PLCB1: variants seen among roughly 807,000 people sequenced by gnomAD.
The protein encoded by PLCB1 is 1-phosphatidylinositol 4,5-bisphosphate phosphodiesterase beta-1.
Under a neutral mutation model 161.8 loss-of-function variants are expected in PLCB1, and 46 were observed. The observed-to-expected ratio is 0.28, with a 90% CI of 0.22 to 0.36. The LOEUF is 0.36. Ranked by LOEUF, PLCB1 falls within the 10% of genes least tolerant of loss-of-function variation. PLCB1 has a pLI of 1.00. For missense variants in PLCB1, 1,016 were observed against 1,472.5 expected (o/e 0.69, Z 5.07); for synonymous variants, 517 against 503.7 (o/e 1.03, Z -0.35).
intron 3 of PLCB1, among the ~76,000 whole-genome samples, chr20:8,619,522 C>T (rs1988122225): frequency 6.6e-6 from 1 of 152,030 alleles, no homozygotes; most frequent in Non-Finnish European, 1.5e-5. Flanking sequence ...ATGTCAGACT[C>T]CACAAAAATG....
chr20:8,561,414 T>C (rs1986138199), intron 3 of PLCB1, among the ~76,000 whole-genome samples: 1 of 151,930 alleles, frequency 6.6e-6, no homozygotes, highest in African/African-American at 2.4e-5. Flanking sequence ...AGTCGGGATA[T>C]GAGCAGTTGA....
intron 23 of PLCB1, among the ~76,000 whole-genome samples, chr20:8,744,621 A>AAAATAAAATAAAATTAAAATT (rs1981062841): frequency 7.3e-5 from 9 of 122,478 alleles, no homozygotes; most frequent in Admixed American, 4.7e-4. Context: ...TAAAATAAAT[A>AAAATAAAATAAAATTAAAATT]AAATAAAATA....
Position 8,788,670 on chromosome 20 carries a change from A to G in PLCB1, c.3226A>G (p.Arg1076Gly). ...KELKKKMDKK[R>G]QEKITEAKSK... ...ATTAAAGAAGAAAATGGATAAAAAG[A>G]GGCAGGAGAAGATAACAGAAGCTAA... The change falls in exon 29 of 32, where the codon AGG (arginine) becomes GGG (glycine). Residue 1076 changes from arginine to glycine, a missense_variant. Transcript: ENST00000338037. The G allele has an allele frequency of 6.2e-7, 1 of 1,611,598 alleles. No individual in the cohort carries two copies.
At chr20:8,164,209 GC>G (rs2051654097) in intron 2 of PLCB1, among the ~76,000 whole-genome samples, 1 of 152,076 alleles carries the variant, frequency 6.6e-6, no homozygotes, top group East Asian at 1.9e-4. Flanking sequence ...GTCGAATTGG[GC>G]CATTAATCTA....
chr20:8,773,594 G>A (rs1600315300), intron 26 of PLCB1, among the ~76,000 whole-genome samples: 1 of 152,302 alleles, frequency 6.6e-6, no homozygotes, highest in East Asian at 1.9e-4. Context: ...GCTTTGTGTG[G>A]AAAGTGCCAT....
At position 8,658,712 on chromosome 20, in the gene PLCB1, C is replaced by T. The variant is rs1989536749; in HGVS notation, c.862+8C>T. ...ACAGCCTCGCCAGAAAAGGTCAGTA[C>T]TTTCTTTCACACCAAAGGGAAGCTC... is the stretch of plus-strand genomic sequence containing the variant. On this transcript the variant is annotated splice_region_variant and intron_variant, in intron 9 of 31. Transcript: ENST00000338037. The T allele has an allele frequency of 6.3e-7, 1 of 1,593,288 alleles. No homozygotes were observed. The highest frequency in any genetic ancestry group is 8.5e-7 in the Non-Finnish European group (1 of 1,171,806).
intron 2 of PLCB1, among the ~76,000 whole-genome samples, chr20:8,174,152 C>T (rs1228721418): frequency 6.7e-6 from 1 of 149,450 alleles, no homozygotes; most frequent in African/African-American, 2.5e-5. Flanking sequence ...GCACCTCAAA[C>T]AGGATACACC....
At chr20:8,378,378 A>AT (rs1171509809) in intron 3 of PLCB1, among the ~76,000 whole-genome samples, 2 of 152,220 alleles carry the variant, frequency 1.3e-5, no homozygotes, top group Non-Finnish European at 2.9e-5. Context: ...AGTAATACAC[A>AT]TTTTTTGGTT....
In PLCB1 at chr20:8,445,540, G is replaced by C. The variant is rs551169205; in HGVS notation, c.246+74090G>C. Among the ~76,000 whole-genome samples the C allele has an allele frequency of 1.8e-4, 27 of 151,844 alleles. 1 individual carries two copies. In the South Asian group the frequency reaches 5.4e-3, roughly 30 times the overall value. ...GACTTGGCAATGCGGGCTCTTTTTTGGTTCCATATGAACTTTAAAGTAGTT... is the reference window on the plus strand; with the variant it reads ...GACTTGGCAATGCGGGCTCTTTTTTCGTTCCATATGAACTTTAAAGTAGTT... On this transcript the variant is annotated intron_variant, in intron 3 of 31. Coordinates refer to ENST00000338037, the MANE Select transcript of PLCB1 (RefSeq NM_015192.4).
chr20:8,188,928 T>C (rs541373316), intron 2 of PLCB1, among the ~76,000 whole-genome samples: 24 of 152,274 alleles, frequency 1.6e-4, no homozygotes, highest in African/African-American at 5.8e-4. Flanking sequence ...TTCAAATATT[T>C]TGTAAGTGTT....
intron 4 of PLCB1, among the ~76,000 whole-genome samples, chr20:8,635,631 G>A (rs1047595712): frequency 2.0e-5 from 3 of 152,114 alleles, no homozygotes; most frequent in Admixed American, 1.3e-4. Context: ...GTTACTCCAC[G>A]CTTTCTTAAG....
intron 3 of PLCB1, among the ~76,000 whole-genome samples, chr20:8,446,127 A>G (rs1237814960): frequency 1.3e-5 from 2 of 152,208 alleles, no homozygotes; most frequent in African/African-American, 2.4e-5. Flanking sequence ...TTAGACCACT[A>G]TCCCTGATGA....
chr20:8,517,187 A>G (rs975781971), intron 3 of PLCB1, among the ~76,000 whole-genome samples: 5 of 152,156 alleles, frequency 3.3e-5, no homozygotes, highest in Admixed American at 1.3e-4. Flanking sequence ...ACATCCCACA[A>G]CCTAAAGAGC....
intron 31 of PLCB1, among the ~76,000 whole-genome samples, chr20:8,819,709 G>T (rs190605594): frequency 1.5e-3 from 228 of 152,140 alleles, no homozygotes; most frequent in African/African-American, 5.0e-3. Flanking sequence ...GACACAAAAT[G>T]GTGTAGATAG....
At chr20:8,486,686 G>A (rs999470460) in intron 3 of PLCB1, among the ~76,000 whole-genome samples, 5 of 150,174 alleles carry the variant, frequency 3.3e-5, no homozygotes, top group African/African-American at 9.8e-5. Context: ...TAGTAGAGAC[G>A]GGGTTTCACC....
chr20:8,539,766 T>TC (rs1568499627), intron 3 of PLCB1, among the ~76,000 whole-genome samples: 1 of 150,968 alleles, frequency 6.6e-6, no homozygotes, highest in Non-Finnish European at 1.5e-5. Context: ...CTTTCCTTCC[T>TC]TCTTTCCTTC....
At chr20:8,318,447 GCC>G (rs56128549) in intron 2 of PLCB1, among the ~76,000 whole-genome samples, 1 of 149,346 alleles carries the variant, frequency 6.7e-6, no homozygotes, top group East Asian at 2.0e-4. Context: ...AATAGAAATT[GCC>G]CCCCCCCTTT....
intron 10 of PLCB1, 147 bp from the exon 11 acceptor site, chr20:8,697,479 G>A (rs1990608389): frequency 1.4e-6 from 1 of 731,126 alleles, no homozygotes; most frequent in South Asian, 1.8e-5. Flanking sequence ...TTACCTTCTG[G>A]TATGTTGAGG....
At chr20:8,215,777 T>C (rs1344221947) in intron 2 of PLCB1, among the ~76,000 whole-genome samples, 1 of 151,970 alleles carries the variant, frequency 6.6e-6, no homozygotes, top group Non-Finnish European at 1.5e-5. Flanking sequence ...AAGGCAGCCT[T>C]AGAGATCTTT....
Sources: allele counts gnomAD v4.1 joint callset (sites outside exome capture counted in the v4.1 genomes callset), GRCh38; gene constraint gnomAD v4.1.1; transcripts MANE v1.5; gene names NCBI Gene and HGNC (gene_info 2026-07-23, HGNC 2026-07-21).